PTPRT: variants seen among roughly 807,000 people sequenced by gnomAD.
The protein encoded by PTPRT is protein tyrosine phosphatase receptor type T.
A neutral mutation model predicts 176.8 loss-of-function variants in PTPRT; 56 were observed. The observed-to-expected ratio is 0.32, with a 90% CI of 0.26 to 0.40. The LOEUF (loss-of-function observed/expected upper bound fraction) is 0.40. Ranked by LOEUF, PTPRT falls within the 10% of genes least tolerant of loss-of-function variation. The pLI, the probability that PTPRT is intolerant of heterozygous loss-of-function variation, is 1.00. For synonymous variants in PTPRT, 783 were observed against 739.0 expected, an observed-to-expected ratio of 1.06 and a Z score of -0.96; for missense variants, 1,540 against 1,908.2, an observed-to-expected ratio of 0.81 and a Z score of 3.60.
At chr20:42,526,148 C>G (rs1340558599) in intron 7 of PTPRT, among the ~76,000 whole-genome samples, 1 of 152,074 alleles carries the variant, frequency 6.6e-6, no homozygotes, top group African/African-American at 2.4e-5. Context: ...TTCCCCAGAA[C>G]ACAATGTGAT....
At chr20:42,911,979 T>TC (rs1237937222) in intron 1 of PTPRT, among the ~76,000 whole-genome samples, 7 of 148,582 alleles carry the variant, frequency 4.7e-5, no homozygotes, top group South Asian at 2.1e-4. Flanking sequence ...CTCTTTTCTT[T>TC]TTTTTTTTTT....
intron 12 of PTPRT, among the ~76,000 whole-genome samples, chr20:42,300,780 TTTA>T (rs200418179): frequency 0.018 from 2,625 of 143,274 alleles, 77 homozygotes; most frequent in African/African-American, 0.068. Flanking sequence ...ATTATTATTA[TTTA>T]TTATTATTAT....
At chr20:42,397,900 T>A (rs2058867192) in intron 9 of PTPRT, among the ~76,000 whole-genome samples, 1 of 152,214 alleles carries the variant, frequency 6.6e-6, no homozygotes, top group Non-Finnish European at 1.5e-5. Context: ...AATTTTAATT[T>A]CCACTAACAG....
chr20:42,432,880 G>A (rs1006767639), intron 9 of PTPRT, among the ~76,000 whole-genome samples: 5 of 152,086 alleles, frequency 3.3e-5, no homozygotes, highest in African/African-American at 1.2e-4. Context: ...TGTAAATCTT[G>A]CCACCCTAAA....
At chr20:42,896,561 G>A (rs549099982) in intron 1 of PTPRT, among the ~76,000 whole-genome samples, 54 of 151,670 alleles carry the variant, frequency 3.6e-4, no homozygotes, top group African/African-American at 1.0e-3. Flanking sequence ...CTTGAACCTG[G>A]GAGGCGGAGG....
intron 1 of PTPRT, among the ~76,000 whole-genome samples, chr20:42,896,317 T>G (rs1411271180): frequency 6.6e-6 from 1 of 151,476 alleles, no homozygotes; most frequent in African/African-American, 2.4e-5. Context: ...AAGACTAAAA[T>G]GCAGAGTCTC....
At chr20:43,168,025 G>A (rs906697898) in intron 1 of PTPRT, among the ~76,000 whole-genome samples, 7 of 152,192 alleles carry the variant, frequency 4.6e-5, no homozygotes, top group African/African-American at 1.7e-4. Context: ...GTGGTAATTG[G>A]TCACGCAGCA....
chr20:43,136,802 C>T (rs79354583), intron 1 of PTPRT, among the ~76,000 whole-genome samples: 2,608 of 152,316 alleles, frequency 0.017, 72 homozygotes, highest in African/African-American at 0.059. Context: ...CATGAGGCAG[C>T]ATATGTAAAG....
intron 15 of PTPRT, among the ~76,000 whole-genome samples, chr20:42,209,632 A>C (rs532531665): frequency 1.3e-5 from 2 of 151,920 alleles, no homozygotes; most frequent in Admixed American, 6.6e-5. Context: ...CAATAACAGG[A>C]TCTGAAATTG....
At position 42,121,726 on chromosome 20, in the gene PTPRT, TATATATATGGATATATATGAAGAG is replaced by T. The variant is rs1180484924; in HGVS notation, c.2848-1779_2848-1756del. ...ATATATATATATATATAGTATTCCA[TATATATATGGATATATATGAAGAG>T]ATATATATATATAGATGTAGTATTC... On this transcript the variant is annotated intron_variant, in intron 19 of 30. Transcript: ENST00000373187. Among the ~76,000 whole-genome samples the T allele has an allele frequency of 9.2e-3, 1,369 of 149,348 alleles. 20 individuals carry two copies. The highest frequency in any genetic ancestry group is 0.031 in the African/African-American group (1,269 of 40,990).
At chr20:42,480,567 G>A (rs1422848617) in intron 7 of PTPRT, among the ~76,000 whole-genome samples, 4 of 152,188 alleles carry the variant, frequency 2.6e-5, no homozygotes, top group Non-Finnish European at 5.9e-5. Flanking sequence ...TAGGTGAATG[G>A]GACACTTGCT....
intron 1 of PTPRT, among the ~76,000 whole-genome samples, chr20:43,009,338 G>A (rs1985007413): frequency 6.6e-6 from 1 of 152,160 alleles, no homozygotes; most frequent in Non-Finnish European, 1.5e-5. Context: ...CCATAAAGAT[G>A]CCCAGGAGGC....
At chr20:42,242,701 G>GA (rs1188526064) in intron 14 of PTPRT, among the ~76,000 whole-genome samples, 1 of 152,114 alleles carries the variant, frequency 6.6e-6, no homozygotes, top group Non-Finnish European at 1.5e-5. Flanking sequence ...GAAAAAAATA[G>GA]AAAAACTAAA....
chr20:43,181,317 T>C (rs955646486), intron 1 of PTPRT, among the ~76,000 whole-genome samples: 1 of 152,128 alleles, frequency 6.6e-6, no homozygotes, highest in African/African-American at 2.4e-5. Flanking sequence ...GCCACTGCAT[T>C]GGGGGAGTGA....
At chr20:43,159,526 G>C (rs76711919) in intron 1 of PTPRT, among the ~76,000 whole-genome samples, 2 of 152,190 alleles carry the variant, frequency 1.3e-5, no homozygotes, top group African/African-American at 4.8e-5. Context: ...AGCACCTGGC[G>C]TGATGCCTGC....
chr20:42,167,620 C>A (rs1276462817), intron 16 of PTPRT, among the ~76,000 whole-genome samples: 2 of 152,146 alleles, frequency 1.3e-5, no homozygotes, highest in East Asian at 3.9e-4. Context: ...CTAGCGACTG[C>A]TCATTGAGAG....
intron 2 of PTPRT, among the ~76,000 whole-genome samples, chr20:42,884,927 C>T (rs536399255): frequency 1.1e-4 from 17 of 152,162 alleles, no homozygotes; most frequent in Admixed American, 5.9e-4. Context: ...ATGCACCTTA[C>T]GCAGGTATAC....
At chr20:42,740,415 A>G (rs2076591015) in intron 6 of PTPRT, among the ~76,000 whole-genome samples, 1 of 152,170 alleles carries the variant, frequency 6.6e-6, no homozygotes, top group Admixed American at 6.5e-5. Context: ...GCCAGGGTCC[A>G]GGCTGAGAAT....
intron 6 of PTPRT, among the ~76,000 whole-genome samples, chr20:42,728,568 C>T (rs1171125633): frequency 6.6e-6 from 1 of 152,156 alleles, no homozygotes; most frequent in East Asian, 1.9e-4. Flanking sequence ...TAGTTCATTC[C>T]ACCAAGCACA....
Sources: gnomAD v4.1 joint callset for allele counts (sites outside exome capture counted in the v4.1 genomes callset) on GRCh38, gnomAD v4.1.1 for gene constraint, MANE v1.5 for transcripts, NCBI Gene and HGNC (gene_info 2026-07-23, HGNC 2026-07-21) for gene names.